Variants in SATL1 observed in about 807,000 individuals in gnomAD.
The protein encoded by SATL1 is spermidine/spermine N1-acetyl transferase like 1, also known as spermidine/spermine N(1)-acetyltransferase-like protein 1.
In SATL1, 47 loss-of-function variants were observed where a neutral mutation model predicts 51.8. The ratio of observed to expected loss-of-function variants is 0.91; its 90% CI spans 0.72 to 1.16. The LOEUF is 1.16. Among genes scored for constraint, SATL1 ranks in the 50% most tolerant of loss-of-function variants. The pLI, the probability that SATL1 is intolerant of heterozygous loss-of-function variation, is 0.00. For missense variants in SATL1, 520 were observed against 526.4 expected (o/e 0.99, Z 0.12); for synonymous variants, 176 against 182.4 (o/e 0.97, Z 0.28).
chrX:85,154,521 A>AATT (rs1926540141), intron 2 of SATL1, among the ~76,000 whole-genome samples: 1 of 111,986 alleles, frequency 8.9e-6, no homozygotes, highest in African/African-American at 3.2e-5. Flanking sequence ...TGTCAGGCTG[A>AATT]ATTATAAATG....
At chrX:85,157,551 C>T (rs1926626811) in intron 2 of SATL1, among the ~76,000 whole-genome samples, 1 of 111,019 alleles carries the variant, frequency 9.0e-6, no homozygotes, top group Non-Finnish European at 1.9e-5. Flanking sequence ...TTTTCTTAGT[C>T]TCCCTAGTTA....
intron 4 of SATL1, among the ~76,000 whole-genome samples, chrX:85,098,294 C>G (rs1015366647): frequency 3.6e-5 from 4 of 111,526 alleles, no homozygotes; most frequent in African/African-American, 1.3e-4. Context: ...TATAAATATA[C>G]ATGCATTGAA....
chrX:85,156,152 T>C (rs780172008), intron 2 of SATL1, among the ~76,000 whole-genome samples: 38 of 111,619 alleles, frequency 3.4e-4, no homozygotes, highest in African/African-American at 1.2e-3. Context: ...ACTTTGAACA[T>C]GGAAAACGTT....
intron 1 of SATL1, among the ~76,000 whole-genome samples, chrX:85,233,527 G>T (rs1928423651): frequency 8.9e-6 from 1 of 111,868 alleles, no homozygotes; most frequent in Non-Finnish European, 1.9e-5. Context: ...GAAACCCAAA[G>T]AAATTGAAGA....
At chrX:85,095,549 G>A (rs1339121660) in intron 4 of SATL1, among the ~76,000 whole-genome samples, 7 of 108,413 alleles carry the variant, frequency 6.5e-5, no homozygotes, top group African/African-American at 1.7e-4. Context: ...GATGGAGGCC[G>A]GGCGCGGTGG....
chrX:85,105,312 C>T (rs1312593376), intron 3 of SATL1, among the ~76,000 whole-genome samples: 2 of 110,937 alleles, frequency 1.8e-5, no homozygotes, highest in Admixed American at 9.6e-5. Flanking sequence ...ATATTTATGT[C>T]GATACCTCCT....
intron 1 of SATL1, among the ~76,000 whole-genome samples, chrX:85,241,167 T>C (rs1803540416): frequency 9.0e-6 from 1 of 111,558 alleles, no homozygotes. Flanking sequence ...ATGGTAGTTT[T>C]ATTATAATGT....
At chrX:85,214,354 T>C (rs1470951539) in intron 2 of SATL1, among the ~76,000 whole-genome samples, 1 of 110,884 alleles carries the variant, frequency 9.0e-6, no homozygotes, top group Non-Finnish European at 1.9e-5. Flanking sequence ...TGAGAAGTAA[T>C]AGAGGAAGAA....
At chrX:85,151,986 A>C (rs1926455612) in intron 2 of SATL1, among the ~76,000 whole-genome samples, 1 of 109,989 alleles carries the variant, frequency 9.1e-6, no homozygotes, top group Admixed American at 9.7e-5. Context: ...TAAACTAAAG[A>C]GCTTCTGCAC....
At chrX:85,098,152 A>G (rs1325305396) in intron 4 of SATL1, among the ~76,000 whole-genome samples, 17 of 112,218 alleles carry the variant, frequency 1.5e-4, no homozygotes, top group Admixed American at 5.7e-4. Flanking sequence ...ATTTCATGCA[A>G]ATAGTAACTG....
chrX:85,218,574 A>G (rs189883254), intron 2 of SATL1, among the ~76,000 whole-genome samples: 108 of 112,028 alleles, frequency 9.6e-4, no homozygotes, highest in African/African-American at 2.9e-3. Context: ...TGCTGTGAAA[A>G]CAATTAGTCA....
intron 2 of SATL1, among the ~76,000 whole-genome samples, chrX:85,191,401 A>G (rs1927434951): frequency 9.0e-6 from 1 of 111,132 alleles, no homozygotes; most frequent in South Asian, 3.8e-4. Context: ...CCCACACTAC[A>G]CAGATGTAAC....
In SATL1 at chrX:85,223,848, G is replaced by A. The variant is rs899515669; in HGVS notation, c.-313+357C>T. Among the ~76,000 whole-genome samples the A allele has an allele frequency of 1.3e-3, 140 of 111,239 alleles. 1 individual carries two copies. Among genetic ancestry groups the A allele is most frequent in the Non-Finnish European group, 7.7e-4 (41 of 53,023 alleles). ...CATGTGTGCAAGGCTTGAACCTATA[G>A]AGACAAAAATAGGAGTGACTGAAGT... On this transcript the variant is annotated intron_variant, in intron 2 of 7. Coordinates refer to ENST00000644105, the MANE Select transcript of SATL1 (RefSeq NM_001367857.2).
intron 1 of SATL1, among the ~76,000 whole-genome samples, chrX:85,232,575 G>A (rs984496760): frequency 1.8e-5 from 2 of 111,626 alleles, no homozygotes; most frequent in African/African-American, 6.5e-5. Context: ...CCTGTAGGGA[G>A]AGTCCCAGGC....
At chrX:85,165,820 G>A (rs1444091992) in intron 2 of SATL1, among the ~76,000 whole-genome samples, 1 of 111,347 alleles carries the variant, frequency 9.0e-6, no homozygotes, top group Non-Finnish European at 1.9e-5. Flanking sequence ...CATAGCCAAA[G>A]CAAGACTAAA....
At chrX:85,189,586 CCT>C (rs1416944562) in intron 2 of SATL1, among the ~76,000 whole-genome samples, 1 of 111,687 alleles carries the variant, frequency 9.0e-6, no homozygotes, top group Non-Finnish European at 1.9e-5. Context: ...TAAAACCTCC[CCT>C]CTCAGATAAA....
intron 2 of SATL1, among the ~76,000 whole-genome samples, chrX:85,131,255 T>A (rs1160257391): frequency 9.0e-6 from 1 of 111,509 alleles, no homozygotes; most frequent in Non-Finnish European, 1.9e-5. Context: ...GGTGTTAAAG[T>A]CTTCTACTAT....
At chrX:85,149,546 T>C (rs1301643053) in intron 2 of SATL1, among the ~76,000 whole-genome samples, 4 of 111,479 alleles carry the variant, frequency 3.6e-5, no homozygotes, top group African/African-American at 1.3e-4. Flanking sequence ...TATTCCAAAA[T>C]TGACCACATA....
intron 2 of SATL1, among the ~76,000 whole-genome samples, chrX:85,220,854 C>T (rs1428218492): frequency 1.8e-5 from 2 of 109,059 alleles, no homozygotes; most frequent in African/African-American, 6.7e-5. Context: ...TAAGTGCTCA[C>T]CAGTCACTGT....
Sources: gnomAD v4.1 joint callset for allele counts (sites outside exome capture counted in the v4.1 genomes callset) on GRCh38, gnomAD v4.1.1 for gene constraint, MANE v1.5 for transcripts, NCBI Gene and HGNC (gene_info 2026-07-23, HGNC 2026-07-21) for gene names.